Variants in ATL3 observed in about 807,000 individuals in gnomAD.
The protein encoded by ATL3 is atlastin-3.
ATL3 carries 49 observed loss-of-function variants against 69.5 expected under a neutral mutation model. The observed-to-expected ratio is 0.71, with a 90% CI of 0.56 to 0.89. The LOEUF is 0.89. ATL3 is among the 40% of genes least tolerant of loss of function. The probability of loss-of-function intolerance (pLI) is 0.00; values close to 1 mark genes in which losing one functional copy is unlikely to be tolerated. For synonymous variants in ATL3, 214 were observed against 224.1 expected (o/e 0.95, Z 0.40); for missense variants, 606 against 645.7 (o/e 0.94, Z 0.67).
intron 1 of ATL3, among the ~76,000 whole-genome samples, chr11:63,659,941 A>G (rs746992003): frequency 6.6e-6 from 1 of 152,158 alleles, no homozygotes; most frequent in Non-Finnish European, 1.5e-5. Context: ...GTCTCAAGTT[A>G]ATGGGTGCAG....
intron 12 of ATL3, 26 bp from the exon 13 acceptor site, chr11:63,629,431 ATAAGT>A (rs771651933): frequency 6.3e-7 from 1 of 1,583,390 alleles, no homozygotes; most frequent in South Asian, 1.1e-5. Flanking sequence ...TATTCAACAT[ATAAGT>A]TAATAAAATA....
At chr11:63,658,980 CG>C (rs1013668162) in intron 2 of ATL3, 57 bp downstream of exon 2, 1 of 1,601,752 alleles carries the variant, frequency 6.2e-7, no homozygotes, top group Middle Eastern at 1.7e-4. Flanking sequence ...GAGCTTATTT[CG>C]CTTTTTTGGA....
At chr11:63,663,637 T>C (rs571055735) in intron 1 of ATL3, among the ~76,000 whole-genome samples, 6 of 152,334 alleles carry the variant, frequency 3.9e-5, no homozygotes, top group African/African-American at 1.4e-4. Flanking sequence ...TCCAAAGACC[T>C]TCAGTCTTTC....
intron 12 of ATL3, among the ~76,000 whole-genome samples, chr11:63,630,245 T>A (rs1430982459): frequency 1.4e-5 from 2 of 144,726 alleles, no homozygotes; most frequent in African/African-American, 2.6e-5. Context: ...AAACACTGTC[T>A]CTACTAAAAA....
At chr11:63,647,318 C>T (rs1939916674) in intron 5 of ATL3, among the ~76,000 whole-genome samples, 2 of 152,214 alleles carry the variant, frequency 1.3e-5, no homozygotes, top group Admixed American at 1.3e-4. Context: ...CTCAGCCTCC[C>T]AGGTAGCTGG....
intron 8 of ATL3, among the ~76,000 whole-genome samples, chr11:63,636,967 C>T (rs1279260216): frequency 6.6e-6 from 1 of 152,048 alleles, no homozygotes; most frequent in East Asian, 1.9e-4. Flanking sequence ...CCTAGCCTTT[C>T]AAGAAATTTC....
At chr11:63,667,049 C>A (rs1417301423) in intron 1 of ATL3, among the ~76,000 whole-genome samples, 1 of 152,188 alleles carries the variant, frequency 6.6e-6, no homozygotes, top group Non-Finnish European at 1.5e-5. Flanking sequence ...ATGATGAAAT[C>A]TTGTGCTATC....
chr11:63,654,011 G>A (rs1160041448), intron 3 of ATL3, among the ~76,000 whole-genome samples: 3 of 152,028 alleles, frequency 2.0e-5, no homozygotes, highest in African/African-American at 7.3e-5. Context: ...ACAATATATT[G>A]GTTCAAATAT....
intron 1 of ATL3, among the ~76,000 whole-genome samples, chr11:63,660,550 T>C (rs1175531636): frequency 6.6e-6 from 1 of 152,168 alleles, no homozygotes; most frequent in Non-Finnish European, 1.5e-5. Context: ...GATCCAGCAA[T>C]TCTACTCCTA....
chr11:63,641,092 T>C (rs550229843), intron 8 of ATL3, among the ~76,000 whole-genome samples: 127 of 152,214 alleles, frequency 8.3e-4, no homozygotes, highest in Non-Finnish European at 1.4e-3. Flanking sequence ...TTTTCATTAA[T>C]ATATAATGAC....
At chr11:63,638,870 A>T (rs955498796) in intron 8 of ATL3, among the ~76,000 whole-genome samples, 1 of 152,232 alleles carries the variant, frequency 6.6e-6, no homozygotes, top group African/African-American at 2.4e-5. Flanking sequence ...AAATAAAACC[A>T]CTAAAATAAT....
intron 10 of ATL3, among the ~76,000 whole-genome samples, chr11:63,633,963 A>G (rs1565269360): frequency 6.9e-6 from 1 of 144,146 alleles, no homozygotes; most frequent in Non-Finnish European, 1.5e-5. Context: ...TGAACCCAGG[A>G]GGTAGAGGTT....
chr11:63,671,520 G>A, upstream of ATL3: 3 of 1,437,622 alleles, frequency 2.1e-6, no homozygotes, highest in South Asian at 1.4e-5. Context: ...TGGCCCAACG[G>A]ACAGCCCGAG....
Position 63,626,707 on chromosome 11 carries a change from GCA to G in ATL3, c.*2610_*2611del, listed in dbSNP as rs1415429214. 2.6e-5 allele frequency: 4 copies of G among 152,144 alleles called. No homozygotes were observed. The highest frequency in any genetic ancestry group is 4.4e-5 in the Non-Finnish European group (3 of 68,038). The allele number at this position is 152,144 out of a possible 1,614,324, so 9.4% of individuals were successfully genotyped here. A position where few individuals can be genotyped will look rare whatever the true frequency, so the allele number is the denominator to read the frequency against. On this transcript the variant is annotated 3_prime_UTR_variant, in exon 13 of 13. Coordinates refer to ENST00000398868, the MANE Select transcript of ATL3 (RefSeq NM_015459.5). ...AGAGCAACAGACACGACGCAAACAG[GCA>G]CAGTCTGAGCATCTGAACCACAAGT...
At position 63,636,321 on chromosome 11, in the gene ATL3, T is replaced by A; in HGVS notation, c.864A>T (p.Glu288Asp). The stretch of plus-strand genomic sequence containing the variant: ...TCAGTGCCTGTAACTGCTCTTTGAA[T>A]TCACCAGCAATATCTGTTCACAGGA... ...FDGKLKDIAGEFKEQLQALIP... is the reference protein window; with the variant it reads ...FDGKLKDIAGDFKEQLQALIP... The change falls in exon 9 of 13, where the codon GAA becomes GAT. Residue 288 changes from glutamate (E) to aspartate (D), a missense_variant. Transcript: ENST00000398868. The A allele has an allele frequency of 6.2e-7, 1 of 1,614,138 alleles. No homozygotes were observed. The highest frequency in any genetic ancestry group is 8.5e-7 in the Non-Finnish European group (1 of 1,180,026).
At chr11:63,636,672 G>A (rs1939527809) in intron 8 of ATL3, among the ~76,000 whole-genome samples, 2 of 151,976 alleles carry the variant, frequency 1.3e-5, no homozygotes, top group African/African-American at 2.4e-5. Flanking sequence ...CCAGGAGGAG[G>A]AGGTTGCAGT....
At chr11:63,636,941 G>T (rs1204164081) in intron 8 of ATL3, among the ~76,000 whole-genome samples, 1 of 152,008 alleles carries the variant, frequency 6.6e-6, no homozygotes, top group African/African-American at 2.4e-5. Flanking sequence ...TTCATTCTGG[G>T]ATATCTGGTC....
At chr11:63,651,842 A>C (rs923185711) in intron 5 of ATL3, 94 bp downstream of exon 5, 133 of 1,467,234 alleles carry the variant, frequency 9.1e-5, no homozygotes, top group Non-Finnish European at 1.1e-4. Flanking sequence ...TCTACATTTC[A>C]ATCTTTTGCT....
intron 1 of ATL3, among the ~76,000 whole-genome samples, chr11:63,666,733 T>C (rs1565285450): frequency 6.6e-6 from 1 of 152,118 alleles, no homozygotes; most frequent in Non-Finnish European, 1.5e-5. Context: ...TCTTAAACTC[T>C]GGAGATCTAG....
Sources: gnomAD v4.1 joint callset for allele counts (sites outside exome capture counted in the v4.1 genomes callset) on GRCh38, gnomAD v4.1.1 for gene constraint, MANE v1.5 for transcripts, NCBI Gene and HGNC (gene_info 2026-07-23, HGNC 2026-07-21) for gene names.